The following SLC25A51 variants were observed in gnomAD, a reference collection of about 807,000 sequenced individuals.
The protein encoded by SLC25A51 is mitochondrial nicotinamide adenine dinucleotide transporter SLC25A51.
In SLC25A51, 11 loss-of-function variants were observed where a neutral mutation model predicts 19.1. The ratio of observed to expected loss-of-function variants is 0.58; its 90% CI spans 0.36 to 0.96. SLC25A51 has a LOEUF of 0.96. Among genes scored for constraint, SLC25A51 ranks in the 40% least tolerant of loss-of-function variants. The pLI is 0.01. For missense variants in SLC25A51, 201 were observed against 365.4 expected (o/e 0.55, Z 3.67); for synonymous variants, 105 against 133.6 (o/e 0.79, Z 1.47).
At chr9:37,886,522 A>G, downstream of SLC25A51, 1 of 1,044,670 alleles carries the variant, frequency 9.6e-7, no homozygotes, top group Non-Finnish European at 1.3e-6. Flanking sequence ...GCAGCTTCTG[A>G]TTTTAAAGAG....
At chr9:37,892,933 T>A (rs1351558868) in intron 2 of SLC25A51, among the ~76,000 whole-genome samples, 1 of 152,084 alleles carries the variant, frequency 6.6e-6, no homozygotes, top group Non-Finnish European at 1.5e-5. Flanking sequence ...AAAGACAGAT[T>A]TTTGCTGTGT....
At chr9:37,891,581 T>C (rs1407072482) in intron 2 of SLC25A51, among the ~76,000 whole-genome samples, 4 of 151,940 alleles carry the variant, frequency 2.6e-5, no homozygotes, top group African/African-American at 9.7e-5. Flanking sequence ...CTCTGAAACA[T>C]GTGCTGTGTC....
chr9:37,879,199 G>A (rs982593950), downstream of SLC25A51: 1 of 278,980 alleles, frequency 3.6e-6, no homozygotes, highest in Non-Finnish European at 7.5e-6. Context: ...CAGTCGTACT[G>A]TATTTGTGGC....
downstream of SLC25A51, among the ~76,000 whole-genome samples, chr9:37,885,367 A>C (rs1051232211): frequency 1.3e-4 from 19 of 143,584 alleles, no homozygotes; most frequent in South Asian, 2.2e-3. Context: ...AAAAAAAAAA[A>C]ACCTTGTATT....
At chr9:37,898,855 C>A (rs1831780646) in intron 2 of SLC25A51, among the ~76,000 whole-genome samples, 1 of 152,166 alleles carries the variant, frequency 6.6e-6, no homozygotes, top group African/African-American at 2.4e-5. Flanking sequence ...ACCTCCACAC[C>A]TTCCCACCGC....
downstream of SLC25A51, among the ~76,000 whole-genome samples, chr9:37,883,096 T>C (rs1214888450): frequency 2.6e-5 from 4 of 152,224 alleles, no homozygotes; most frequent in Admixed American, 2.0e-4. Context: ...CCACCCGCCT[T>C]GGCCTCCCAA....
At chr9:37,903,364 AG>A (rs1422334910) in intron 1 of SLC25A51, among the ~76,000 whole-genome samples, 3 of 152,236 alleles carry the variant, frequency 2.0e-5, no homozygotes, top group Non-Finnish European at 4.4e-5. Context: ...CAGGAAGTTG[AG>A]GTGCTGACAT....
chr9:37,896,602 T>C (rs918910911), intron 2 of SLC25A51, among the ~76,000 whole-genome samples: 6 of 152,080 alleles, frequency 3.9e-5, no homozygotes, highest in Non-Finnish European at 8.8e-5. Flanking sequence ...TCGAGACCAG[T>C]CTGGCCAACA....
At chr9:37,882,266 T>C (rs1365826223) in intron 2 of SLC25A51, among the ~76,000 whole-genome samples, 1 of 152,220 alleles carries the variant, frequency 6.6e-6, no homozygotes, top group Non-Finnish European at 1.5e-5. Context: ...TAATCTCCTG[T>C]CCACCCTTCA....
At chr9:37,902,554 G>A (rs986053171) in intron 1 of SLC25A51, among the ~76,000 whole-genome samples, 3 of 152,228 alleles carry the variant, frequency 2.0e-5, no homozygotes, top group Non-Finnish European at 2.9e-5. Context: ...TTATTTGGTA[G>A]TACAGTTTAG....
At chr9:37,896,091 G>C (rs1238417241) in intron 2 of SLC25A51, among the ~76,000 whole-genome samples, 1 of 152,100 alleles carries the variant, frequency 6.6e-6, no homozygotes, top group East Asian at 1.9e-4. Context: ...TCGGATTACA[G>C]GCCCTTCCAT....
chr9:37,878,469 GC>G, downstream of SLC25A51: 1 of 200,452 alleles, frequency 5.0e-6, no homozygotes, highest in African/African-American at 2.3e-5. Context: ...TGTGAGTTTT[GC>G]CCACCTAAAG....
Position 37,888,185 on chromosome 9 carries a change from G to A in SLC25A51, c.366C>T (p.Gly122=), listed in dbSNP as rs769627872. Reference sequence around the variant, plus strand: ...TTGTCCCTGCAAGCACTGCCGCCACGCCACTGGTTGCAAACTCTGGAGCAC... The same window carrying A: ...TTGTCCCTGCAAGCACTGCCGCCACACCACTGGTTGCAAACTCTGGAGCAC... ...HVSAPEFATS[G]VAAVLAGTTE... The change falls in exon 3 of 3, where the codon GGC becomes GGT. Residue 122 remains glycine (G), a synonymous_variant. Transcript: ENST00000242275. 14 of 1,613,904 alleles carry A rather than the reference G, an allele frequency of 8.7e-6. No homozygotes were observed. Among genetic ancestry groups the A allele is most frequent in the Admixed American group, 5.0e-5 (3 of 59,998 alleles).
At chr9:37,898,213 C>T (rs1413147083) in intron 2 of SLC25A51, among the ~76,000 whole-genome samples, 1 of 152,200 alleles carries the variant, frequency 6.6e-6, no homozygotes, top group Non-Finnish European at 1.5e-5. Context: ...AAGTTCAAGA[C>T]CAACCTGGCC....
At chr9:37,903,114 C>A (rs1053758290) in intron 1 of SLC25A51, among the ~76,000 whole-genome samples, 1 of 152,200 alleles carries the variant, frequency 6.6e-6, no homozygotes, top group Non-Finnish European at 1.5e-5. Context: ...CTGAGATGCG[C>A]TAAGGGTGAT....
chr9:37,885,759 C>G, downstream of SLC25A51: 1 of 1,519,612 alleles, frequency 6.6e-7, no homozygotes, highest in South Asian at 1.1e-5. Flanking sequence ...TGTGGAGCAA[C>G]ATATAGGCAA....
intron 2 of SLC25A51, among the ~76,000 whole-genome samples, chr9:37,895,010 C>T (rs1831683597): frequency 6.6e-6 from 1 of 152,144 alleles, no homozygotes; most frequent in Admixed American, 6.6e-5. Flanking sequence ...CTTCTTTATC[C>T]CGTGTACTAC....
At chr9:37,886,087 T>C (rs1448645788), downstream of SLC25A51, 9 of 1,543,570 alleles carry the variant, frequency 5.8e-6, no homozygotes, top group Non-Finnish European at 8.1e-6. Context: ...CGGTGGATGC[T>C]GGACGCTATA....
chr9:37,881,880 A>C lies in SLC25A51; in HGVS notation n.409-249T>G, dbSNP rs150399382. ...CAAGCAACTACTCAAGCATAAGAGA[A>C]GACCAAAAAGAGTGGGCTTAAAAAA... is the stretch of plus-strand genomic sequence containing the variant. On this transcript the variant is annotated intron_variant and non_coding_transcript_variant, in intron 2 of 3. Transcript: ENST00000496760. Among the ~76,000 whole-genome samples the C allele has an allele frequency of 5.6e-3, 849 of 152,332 alleles. 2 individuals carry two copies. Among genetic ancestry groups the C allele is most frequent in the Admixed American group, 9.0e-3 (137 of 15,298 alleles).
Sources: gnomAD v4.1 joint callset for allele counts (sites outside exome capture counted in the v4.1 genomes callset) on GRCh38, gnomAD v4.1.1 for gene constraint, MANE v1.5 for transcripts, NCBI Gene and HGNC (gene_info 2026-07-23, HGNC 2026-07-21) for gene names.